LRFN5: variants seen among roughly 807,000 people sequenced by gnomAD.
The protein encoded by LRFN5 is leucine rich repeat and fibronectin type III domain containing 5, also known as leucine-rich repeat and fibronectin type-III domain-containing protein 5.
Under a neutral mutation model 45.6 loss-of-function variants are expected in LRFN5, and 24 were observed. That is an observed-to-expected ratio of 0.53 (90% CI 0.38 to 0.74). The LOEUF (loss-of-function observed/expected upper bound fraction) is 0.74. Among genes scored for constraint, LRFN5 ranks in the 30% least tolerant of loss-of-function variants. The probability of loss-of-function intolerance (pLI) is 0.00; values close to 1 mark genes in which losing one functional copy is unlikely to be tolerated. For missense variants in LRFN5, 776 were observed against 861.5 expected, an observed-to-expected ratio of 0.90 and a Z score of 1.24; for synonymous variants, 340 against 313.8, an observed-to-expected ratio of 1.08 and a Z score of -0.88.
Position 41,681,827 on chromosome 14 carries a change from T to TATTTATTTATTTATTTATTTA in LRFN5, c.-197+73265_-197+73266insATTTATTTATTTATTTATTTA, listed in dbSNP as rs58384478. ...TTATTTATTTATTTATTTATTTATTTTTTTTTTTTGTGATGGAGTCTCACT... is the reference window on the plus strand; with the variant it reads ...TTATTTATTTATTTATTTATTTATTTATTTATTTATTTATTTATTTATTTTTTTTTGTGATGGAGTCTCACT... On this transcript the variant is annotated intron_variant, in intron 1 of 5. Coordinates refer to ENST00000298119, the MANE Select transcript of LRFN5 (RefSeq NM_152447.5). Among the ~76,000 whole-genome samples the TATTTATTTATTTATTTATTTA allele has an allele frequency of 2.4e-3, 343 of 141,726 alleles. 4 individuals carry two copies. Among genetic ancestry groups the TATTTATTTATTTATTTATTTA allele is most frequent in the East Asian group, 9.8e-3 (45 of 4,592 alleles). 93.0% of individuals were successfully genotyped at this position (141,726 alleles called of 152,430 possible).
intron 2 of LRFN5, among the ~76,000 whole-genome samples, chr14:41,802,258 A>G (rs1463751215): frequency 6.6e-6 from 1 of 152,124 alleles, no homozygotes; most frequent in East Asian, 1.9e-4. Context: ...GCAAAGACAA[A>G]TGGGGATTTA....
intron 2 of LRFN5, among the ~76,000 whole-genome samples, chr14:41,849,891 C>T (rs1889205390): frequency 4.6e-5 from 7 of 151,704 alleles, no homozygotes; most frequent in Admixed American, 4.6e-4. Context: ...AGTGATTAGT[C>T]AACTTTGTTA....
At chr14:41,748,962 G>A (rs1469610997) in intron 1 of LRFN5, among the ~76,000 whole-genome samples, 3 of 151,802 alleles carry the variant, frequency 2.0e-5, no homozygotes, top group African/African-American at 7.3e-5. Context: ...TCTATAGCAT[G>A]GCACCAGCAT....
chr14:41,764,532 A>G (rs946948978), intron 1 of LRFN5, among the ~76,000 whole-genome samples: 1 of 152,168 alleles, frequency 6.6e-6, no homozygotes, highest in African/African-American at 2.4e-5. Flanking sequence ...TGTGCTTTTC[A>G]TGCTAAAATA....
intron 1 of LRFN5, among the ~76,000 whole-genome samples, chr14:41,716,682 T>C (rs1285210726): frequency 2.0e-5 from 3 of 152,178 alleles, no homozygotes; most frequent in African/African-American, 7.2e-5. Context: ...CTCTAGGAAG[T>C]GCGAAACTTT....
chr14:41,813,746 T>C (rs2138996566), intron 2 of LRFN5, among the ~76,000 whole-genome samples: 1 of 152,322 alleles, frequency 6.6e-6, no homozygotes, highest in Non-Finnish European at 1.5e-5. Flanking sequence ...TTTCTAGTTC[T>C]AGATCCTTGA....
At chr14:41,896,828 C>T (rs1365760458) in intron 4 of LRFN5, among the ~76,000 whole-genome samples, 3 of 151,982 alleles carry the variant, frequency 2.0e-5, no homozygotes, top group Non-Finnish European at 4.4e-5. Context: ...CTCAGTGGCT[C>T]ACACCTGTAA....
At chr14:41,800,207 C>G (rs2138966220) in intron 2 of LRFN5, among the ~76,000 whole-genome samples, 1 of 152,030 alleles carries the variant, frequency 6.6e-6, no homozygotes, top group African/African-American at 2.4e-5. Context: ...CTTCATTTAT[C>G]TTTAATTGGA....
chr14:41,731,826 A>C (rs1015694452), intron 1 of LRFN5: 2 of 152,244 alleles, frequency 1.3e-5, no homozygotes, highest in Admixed American at 6.5e-5. Flanking sequence ...AAGAGGAATT[A>C]GGATATTCCA....
intron 4 of LRFN5, chr14:41,893,647 C>A (rs987860805): frequency 1.0e-6 from 1 of 985,186 alleles, no homozygotes; most frequent in Admixed American, 6.2e-5. Flanking sequence ...ATTTCAGTTA[C>A]TGTTAACTTG....
intron 2 of LRFN5, among the ~76,000 whole-genome samples, chr14:41,792,108 A>G (rs1010955652): frequency 1.3e-5 from 2 of 152,072 alleles, no homozygotes; most frequent in East Asian, 1.9e-4. Flanking sequence ...GCCGGGGGTG[A>G]CATCACATAT....
Position 41,819,093 on chromosome 14 carries a change from G to A in LRFN5, c.-21+52064G>A, listed in dbSNP as rs143368731. ...TTTTATTCTTTTGTATATCCATATA[G>A]TATTCCATAGTATAAATGCATCACA... is the stretch of plus-strand genomic sequence containing the variant. On this transcript the variant is annotated intron_variant, in intron 2 of 5. Transcript: ENST00000298119. Among the ~76,000 whole-genome samples, 1,120 of 152,216 alleles carry A rather than the reference G, an allele frequency of 7.4e-3. 16 individuals are homozygous for A. The highest frequency in any genetic ancestry group is 0.026 in the African/African-American group (1,076 of 41,556).
chr14:41,863,249 A>G (rs1254435314), intron 2 of LRFN5, among the ~76,000 whole-genome samples: 1 of 152,050 alleles, frequency 6.6e-6, no homozygotes, highest in Non-Finnish European at 1.5e-5. Context: ...GATCTTTCCT[A>G]TCTTATATTT....
rs190352304 is a variant in LRFN5 at position 41,901,555 on chromosome 14, G to A, written c.2142+2595G>A. On this transcript the variant is annotated intron_variant, in intron 5 of 5. Coordinates refer to ENST00000298119, the MANE Select transcript of LRFN5 (RefSeq NM_152447.5). The stretch of plus-strand genomic sequence containing the variant: ...TTCTTGATTTTAATAAATTTAACTT[G>A]CGATTAGTCCACATTTAATAACAAG... 2.8e-3 allele frequency among the ~76,000 whole-genome samples: 418 copies of A among 151,838 alleles called. 1 individual carries two copies. The highest frequency in any genetic ancestry group is 4.4e-3 in the Non-Finnish European group (296 of 67,928).
chr14:41,872,672 G>C (rs897830576), intron 2 of LRFN5, among the ~76,000 whole-genome samples: 1 of 152,130 alleles, frequency 6.6e-6, no homozygotes, highest in Non-Finnish European at 1.5e-5. Context: ...CAGGATAAGT[G>C]GTAGATCCCA....
intron 2 of LRFN5, among the ~76,000 whole-genome samples, chr14:41,782,467 A>G (rs1886563752): frequency 6.6e-6 from 1 of 152,040 alleles, no homozygotes; most frequent in Non-Finnish European, 1.5e-5. Flanking sequence ...TAACATATTA[A>G]TCATAGTTAT....
chr14:41,758,001 G>T (rs546944218), intron 1 of LRFN5, among the ~76,000 whole-genome samples: 55 of 152,226 alleles, frequency 3.6e-4, no homozygotes, highest in Non-Finnish European at 6.6e-4. Context: ...TATCCTAATA[G>T]TATATTCTTA....
At chr14:41,847,120 A>T (rs150466749) in intron 2 of LRFN5, among the ~76,000 whole-genome samples, 49 of 152,238 alleles carry the variant, frequency 3.2e-4, no homozygotes, top group African/African-American at 1.2e-3. Flanking sequence ...TCAAGACAGG[A>T]CTAATTCAAG....
At chr14:41,634,929 A>C (rs1282248943) in intron 1 of LRFN5, among the ~76,000 whole-genome samples, 3 of 152,128 alleles carry the variant, frequency 2.0e-5, no homozygotes, top group Non-Finnish European at 4.4e-5. Flanking sequence ...TTCCCTGAGA[A>C]ATAATTTAAT....
Sources: allele counts gnomAD v4.1 joint callset (sites outside exome capture counted in the v4.1 genomes callset), GRCh38; gene constraint gnomAD v4.1.1; transcripts MANE v1.5; gene names NCBI Gene and HGNC (gene_info 2026-07-23, HGNC 2026-07-21).